The following LRP1B variants were observed in gnomAD, a reference collection of about 807,000 sequenced individuals.
LRP1B encodes low-density lipoprotein receptor-related protein 1B.
Under a neutral mutation model 556.6 loss-of-function variants are expected in LRP1B, and 217 were observed. The ratio of observed to expected loss-of-function variants is 0.39; its 90% confidence interval spans 0.35 to 0.44. LRP1B has a LOEUF of 0.44. Among genes scored for constraint, LRP1B ranks in the 20% least tolerant of loss-of-function variants. The pLI is 1.00. For missense variants in LRP1B, 5,053 were observed against 5,620.8 expected (o/e 0.90, Z 3.23); for synonymous variants, 2,047 against 1,865.8 (o/e 1.10, Z -2.50).
At chr2:140,641,985 T>G (rs2105301089) in intron 41 of LRP1B, among the ~76,000 whole-genome samples, 1 of 152,268 alleles carries the variant, frequency 6.6e-6, no homozygotes, top group African/African-American at 2.4e-5. Context: ...GGAAGAAAAC[T>G]GAAGATGATC....
At chr2:140,896,935 A>G in intron 23 of LRP1B, among the ~76,000 whole-genome samples, 1 of 152,214 alleles carries the variant, frequency 6.6e-6, no homozygotes, top group East Asian at 1.9e-4. Flanking sequence ...TTCTATTTTT[A>G]AAGTCCAGTA....
chr2:141,143,802 C>T (rs565278011), intron 7 of LRP1B, among the ~76,000 whole-genome samples: 243 of 151,252 alleles, frequency 1.6e-3, no homozygotes, highest in African/African-American at 5.4e-3. Context: ...ACAGAGGTGA[C>T]ATCAGAATTT....
intron 29 of LRP1B, among the ~76,000 whole-genome samples, chr2:140,849,601 A>G (rs1692394303): frequency 6.6e-6 from 1 of 151,896 alleles, no homozygotes; most frequent in African/African-American, 2.4e-5. Flanking sequence ...GCACAATGAC[A>G]TGATCTTGGT....
At chr2:140,898,022 G>A (rs1490420095) in intron 23 of LRP1B, among the ~76,000 whole-genome samples, 3 of 152,092 alleles carry the variant, frequency 2.0e-5, no homozygotes, top group Admixed American at 2.0e-4. Flanking sequence ...TTTCGGTTTA[G>A]GAGCTGGCCA....
At chr2:142,094,363 A>G (rs1358432581) in intron 1 of LRP1B, among the ~76,000 whole-genome samples, 5 of 152,074 alleles carry the variant, frequency 3.3e-5, no homozygotes, top group African/African-American at 1.2e-4. Flanking sequence ...TTTATTTGGA[A>G]TCCACAAAGA....
chr2:142,045,514 T>A (rs930134199), intron 1 of LRP1B, among the ~76,000 whole-genome samples: 1 of 151,858 alleles, frequency 6.6e-6, no homozygotes, highest in African/African-American at 2.4e-5. Context: ...TATATAGGAA[T>A]TAGGTGATGT....
At chr2:140,350,743 A>C (rs1681919878) in intron 77 of LRP1B, 54 bp downstream of exon 77, 4 of 1,548,020 alleles carry the variant, frequency 2.6e-6, no homozygotes, top group Non-Finnish European at 3.5e-6. Context: ...TTTTGTTTAA[A>C]AAGCAGGTGG....
chr2:140,656,216 T>A (rs1318163549), intron 41 of LRP1B, among the ~76,000 whole-genome samples: 1 of 152,180 alleles, frequency 6.6e-6, no homozygotes, highest in African/African-American at 2.4e-5. Flanking sequence ...TTCTGTAATG[T>A]AAAAACATCT....
At chr2:141,413,634 G>C (rs987862159) in intron 3 of LRP1B, among the ~76,000 whole-genome samples, 2 of 152,180 alleles carry the variant, frequency 1.3e-5, no homozygotes, top group African/African-American at 4.8e-5. Context: ...AGGATTGGTT[G>C]CATGCAGTGA....
intron 2 of LRP1B, among the ~76,000 whole-genome samples, chr2:141,730,126 T>C (rs1693215282): frequency 6.6e-6 from 1 of 152,098 alleles, no homozygotes; most frequent in African/African-American, 2.4e-5. Context: ...TTGTCAAACA[T>C]CATGTGGCTT....
intron 3 of LRP1B, among the ~76,000 whole-genome samples, chr2:141,352,507 C>A (rs1168128279): frequency 6.6e-6 from 1 of 151,742 alleles, no homozygotes; most frequent in African/African-American, 2.4e-5. Context: ...GAGTAAGCAC[C>A]TTTTGGTTCT....
At position 141,833,024 on chromosome 2, in the gene LRP1B, T is replaced by A. The variant is rs540398516; in HGVS notation, c.83-22623A>T. 2.0e-5 allele frequency among the ~76,000 whole-genome samples: 3 copies of A among 151,800 alleles called. No homozygotes were observed. In the South Asian group the frequency reaches 6.2e-4, roughly 31 times the overall value. Reference sequence around the variant, plus strand: ...CCTGTCTTTATATACAGGCAGCAATTTTCTCCCTAAGAGGAAAATATGATA... The same window carrying A: ...CCTGTCTTTATATACAGGCAGCAATATTCTCCCTAAGAGGAAAATATGATA... On this transcript the variant is annotated intron_variant, in intron 1 of 90. Transcript: ENST00000389484.
intron 35 of LRP1B, among the ~76,000 whole-genome samples, chr2:140,766,591 A>T (rs1410234577): frequency 2.0e-5 from 3 of 149,994 alleles, no homozygotes; most frequent in African/African-American, 7.3e-5. Context: ...AGTTACTGAT[A>T]TCTAATCTTT....
At chr2:141,013,049 T>C (rs1697800812) in intron 14 of LRP1B, among the ~76,000 whole-genome samples, 1 of 151,962 alleles carries the variant, frequency 6.6e-6, no homozygotes, top group South Asian at 2.1e-4. Context: ...GACATGAATA[T>C]TGTTATAGAC....
chr2:141,738,075 C>T (rs1326306668), intron 2 of LRP1B, among the ~76,000 whole-genome samples: 2 of 151,974 alleles, frequency 1.3e-5, no homozygotes, highest in African/African-American at 4.8e-5. Context: ...TTGTGCTGTG[C>T]ACAATATTAT....
chr2:140,903,259 G>A, intron 22 of LRP1B, 94 bp from the exon 23 acceptor site: 1 of 1,395,858 alleles, frequency 7.2e-7, no homozygotes, highest in South Asian at 1.3e-5. Flanking sequence ...CCTACAATTA[G>A]CCAGGATACT....
intron 2 of LRP1B, among the ~76,000 whole-genome samples, chr2:141,545,155 T>A (rs1301462035): frequency 1.3e-5 from 2 of 152,184 alleles, no homozygotes; most frequent in African/African-American, 4.8e-5. Flanking sequence ...AAAGCTATAA[T>A]CCTACACATC....
At chr2:142,026,791 A>G (rs1247215305) in intron 1 of LRP1B, among the ~76,000 whole-genome samples, 1 of 151,968 alleles carries the variant, frequency 6.6e-6, no homozygotes, top group East Asian at 1.9e-4. Context: ...GGCCAATTAC[A>G]TAAAAATATA....
chr2:141,883,799 T>C (rs770693114), intron 1 of LRP1B, among the ~76,000 whole-genome samples: 19 of 152,126 alleles, frequency 1.2e-4, no homozygotes, highest in Non-Finnish European at 2.5e-4. Context: ...ATTTTTAATC[T>C]CAACATTCTC....
Sources: allele counts gnomAD v4.1 joint callset (sites outside exome capture counted in the v4.1 genomes callset), GRCh38; gene constraint gnomAD v4.1.1; transcripts MANE v1.5; gene names NCBI Gene and HGNC (gene_info 2026-07-23, HGNC 2026-07-21).